The following DLC1 variants were observed in gnomAD, a reference collection of about 807,000 sequenced individuals.
The protein encoded by DLC1 is rho GTPase-activating protein 7.
Under a neutral mutation model 140.3 loss-of-function variants are expected in DLC1, and 54 were observed. The observed-to-expected ratio is 0.38, with a 90% CI of 0.31 to 0.48. DLC1 has a LOEUF of 0.48. Among genes scored for constraint, DLC1 ranks in the 20% least tolerant of loss-of-function variants. The pLI, the probability that DLC1 is intolerant of heterozygous loss-of-function variation, is 0.96. For missense variants in DLC1, 2,536 were observed against 1,907.0 expected, an observed-to-expected ratio of 1.33 and a Z score of -6.14; for synonymous variants, 986 against 728.1, an observed-to-expected ratio of 1.35 and a Z score of -5.70.
Position 13,600,672 on chromosome 8 carries a change from G to A in DLC1, c.-126+3865C>T, listed in dbSNP as rs185735559. Among the ~76,000 whole-genome samples, 126 of 151,826 alleles carry A rather than the reference G, an allele frequency of 8.3e-4. 3 individuals are homozygous for A. The highest frequency in any genetic ancestry group is 2.9e-3 in the African/African-American group (119 of 41,510). On this transcript the variant is annotated intron_variant, in intron 1 of 1. Transcript: ENST00000631382. ...TGAAAAGATTTTATTTTAGTTTGAT[G>A]CCTTTCAAAATCTTGGTATTTGAAG...
chr8:13,312,360 C>CA lies in DLC1; in HGVS notation c.1315-7059dup, dbSNP rs777597726. ...TGGGCGACAGAGCGAGACTCCGTCT[C>CA]AAAAAAAAAAAAAAAAAAAAAAAAA... is the stretch of plus-strand genomic sequence containing the variant. On this transcript the variant is annotated intron_variant, in intron 4 of 17. Transcript: ENST00000276297. 1.7e-3 allele frequency among the ~76,000 whole-genome samples: 11 copies of CA among 6,636 alleles called. 1 individual carries two copies. The highest frequency in any genetic ancestry group is 4.7e-3 in the African/African-American group (11 of 2,364). The allele number at this position is 6,636 out of a possible 152,430, so 4.4% of individuals were successfully genotyped here.
chr8:13,567,304 A>C, intron 1 of DLC1: 1 of 1,551,766 alleles, frequency 6.4e-7, no homozygotes, highest in Non-Finnish European at 8.7e-7. Context: ...CCAACCAGAC[A>C]CCAAACTTCC....
At chr8:13,515,272 A>G (rs1266421647), upstream of DLC1, among the ~76,000 whole-genome samples, 1 of 152,210 alleles carries the variant, frequency 6.6e-6, no homozygotes. Context: ...TCTAAATGGC[A>G]AAACCTTTTT....
At position 13,100,062 on chromosome 8, in the gene DLC1, C is replaced by T. The variant is rs1174394407; in HGVS notation, c.2275G>A (p.Val759Ile). The change falls in exon 9 of 18, where the codon GTT (valine) becomes ATT (isoleucine). Residue 759 changes from valine (V) to isoleucine (I), a missense_variant. Physicochemically the swap from Val to Ile is conservative, Grantham distance 29 (BLOSUM62 3). Coordinates refer to ENST00000276297, the MANE Select transcript of DLC1 (RefSeq NM_182643.3). ...GCACTGAGGCTCCGGGTCCTCGTAA[C>T]AGGGCTGGGCGTGCTGACCGCGCTG... ...TSSAVSTPSP[V>I]TRTRSLSACN... 6.2e-7 allele frequency: 1 copy of T among 1,613,454 alleles called. No homozygotes were observed. The highest frequency in any genetic ancestry group is 8.5e-7 in the Non-Finnish European group (1 of 1,180,042).
At chr8:13,259,156 A>C (rs1303288755) in intron 5 of DLC1, among the ~76,000 whole-genome samples, 5 of 151,590 alleles carry the variant, frequency 3.3e-5, no homozygotes, top group Non-Finnish European at 7.4e-5. Context: ...AAAAAAAAAA[A>C]AAAGAGAAAA....
At chr8:13,570,522 AC>A (rs1804615685) in intron 1 of DLC1, among the ~76,000 whole-genome samples, 1 of 128,270 alleles carries the variant, frequency 7.8e-6, no homozygotes, top group Non-Finnish European at 1.6e-5. Context: ...TTCAATTCCC[AC>A]CTATGAGTGA....
intron 1 of DLC1, among the ~76,000 whole-genome samples, chr8:13,580,799 A>G (rs1805067755): frequency 6.6e-6 from 1 of 152,208 alleles, no homozygotes; most frequent in South Asian, 2.1e-4. Context: ...CCAGGAGGGT[A>G]TGAAAAGGTT....
At chr8:13,117,262 G>A (rs1398279645) in intron 5 of DLC1, among the ~76,000 whole-genome samples, 2 of 152,182 alleles carry the variant, frequency 1.3e-5, no homozygotes, top group Non-Finnish European at 2.9e-5. Context: ...TTTGAGCCCA[G>A]AAGTTGAAGA....
At chr8:13,185,289 TTTGTTTG>T (rs1439741240) in intron 5 of DLC1, among the ~76,000 whole-genome samples, 3 of 123,946 alleles carry the variant, frequency 2.4e-5, no homozygotes, top group African/African-American at 9.2e-5. Flanking sequence ...TTCTGTTTTT[TTTGTTTG>T]TTTGTTTGTT....
rs545226303 is a variant in DLC1 at position 13,124,749 on chromosome 8, C to G, written c.1349-9092G>C. 2.6e-4 allele frequency among the ~76,000 whole-genome samples: 39 copies of G among 152,304 alleles called. No homozygotes were observed. The South Asian group carries it at 7.7e-3, about 30-fold the overall frequency. On this transcript the variant is annotated intron_variant, in intron 5 of 17. Transcript: ENST00000276297. ...TTGTAAATTCCCTAAGTTTTTGACT[C>G]TAATATTTCCTTTATGCCCATTTCA...
At chr8:13,490,377 A>C (rs1042739772) in intron 2 of DLC1, among the ~76,000 whole-genome samples, 2 of 152,218 alleles carry the variant, frequency 1.3e-5, no homozygotes, top group African/African-American at 4.8e-5. Context: ...GGTTATCTTT[A>C]AAATAGCACT....
At chr8:13,589,285 T>C (rs776462380) in intron 1 of DLC1, among the ~76,000 whole-genome samples, 1 of 152,068 alleles carries the variant, frequency 6.6e-6, no homozygotes, top group Admixed American at 6.6e-5. Flanking sequence ...TTGTTGAAAA[T>C]GCTATTAGAA....
intron 4 of DLC1, among the ~76,000 whole-genome samples, chr8:13,316,089 A>G (rs934229229): frequency 1.3e-5 from 2 of 152,198 alleles, no homozygotes; most frequent in Non-Finnish European, 2.9e-5. Context: ...CAGGTTGCGC[A>G]CTGGCTTAAC....
chr8:13,587,164 C>T (rs142051932), intron 1 of DLC1, among the ~76,000 whole-genome samples: 1 of 151,168 alleles, frequency 6.6e-6, no homozygotes, highest in Non-Finnish European at 1.5e-5. Context: ...CCTGTACATG[C>T]ACAGATGCAC....
chr8:13,153,355 C>T (rs1823985556), intron 5 of DLC1, among the ~76,000 whole-genome samples: 1 of 152,222 alleles, frequency 6.6e-6, no homozygotes, highest in Non-Finnish European at 1.5e-5. Context: ...AGTTTGCGAT[C>T]TCACTGGCCT....
intron 5 of DLC1, among the ~76,000 whole-genome samples, chr8:13,188,419 C>CA (rs1178090798): frequency 0.046 from 2,724 of 58,914 alleles, 146 homozygotes; most frequent in Middle Eastern, 0.095. Context: ...GACTCCGTCT[C>CA]AAAAAAAAAA....
Position 13,416,367 on chromosome 8 carries a change from G to C in DLC1, c.1024-14748C>G, listed in dbSNP as rs976037890. Among the ~76,000 whole-genome samples the C allele has an allele frequency of 3.3e-5, 5 of 152,300 alleles. No individual in the cohort carries two copies. The South Asian group carries it at 1.0e-3, about 32-fold the overall frequency. ...GAAGTTGCAAAATGATGAATACCAT[G>C]TGATGTGATTTGATATAAAATTCAA... On this transcript the variant is annotated intron_variant, in intron 2 of 17. Transcript: ENST00000276297.
At chr8:13,188,876 A>G in intron 5 of DLC1, among the ~76,000 whole-genome samples, 2 of 111,908 alleles carry the variant, frequency 1.8e-5, no homozygotes, top group African/African-American at 3.4e-5. Flanking sequence ...TTTTTAGTGG[A>G]GATGAAGTTT....
rs113681494 is a variant in DLC1 at position 13,194,712 on chromosome 8, T to C, written c.1349-79055A>G. Among the ~76,000 whole-genome samples the C allele has an allele frequency of 3.9e-3, 594 of 152,300 alleles. 4 individuals are homozygous for C. The highest frequency in any genetic ancestry group is 0.01 in the African/African-American group (424 of 41,582). The stretch of plus-strand genomic sequence containing the variant: ...AGGCCGCAAGCATTCCATTTTGTTA[T>C]GGATAAGAAAGCAGGCTGGGCATGG... On this transcript the variant is annotated intron_variant, in intron 5 of 17. Coordinates refer to ENST00000276297, the MANE Select transcript of DLC1 (RefSeq NM_182643.3).
Sources: allele counts gnomAD v4.1 joint callset (sites outside exome capture counted in the v4.1 genomes callset), GRCh38; gene constraint gnomAD v4.1.1; transcripts MANE v1.5; gene names NCBI Gene and HGNC (gene_info 2026-07-23, HGNC 2026-07-21).